Variants in CTNNB1 observed in about 807,000 individuals in gnomAD.
The protein encoded by CTNNB1 is catenin beta-1.
Under a neutral mutation model 82.5 loss-of-function variants are expected in CTNNB1, and 6 were observed. The ratio of observed to expected loss-of-function variants is 0.07; its 90% CI spans 0.04 to 0.14. CTNNB1 has a LOEUF of 0.14. Among genes scored for constraint, CTNNB1 ranks in the 10% least tolerant of loss-of-function variants. The pLI, the probability that CTNNB1 is intolerant of heterozygous loss-of-function variation, is 1.00. For missense variants in CTNNB1, 529 were observed against 980.4 expected, an observed-to-expected ratio of 0.54 and a Z score of 6.15; for synonymous variants, 312 against 329.7, an observed-to-expected ratio of 0.95 and a Z score of 0.58.
intron 1 of CTNNB1, among the ~76,000 whole-genome samples, chr3:41,210,519 C>A (rs928802738): frequency 6.6e-6 from 1 of 152,126 alleles, no homozygotes; most frequent in Non-Finnish European, 1.5e-5. Context: ...GGGTCAGGAT[C>A]ATCAGTATCA....
At chr3:41,212,684 G>A (rs1358024245) in intron 1 of CTNNB1, among the ~76,000 whole-genome samples, 1 of 152,208 alleles carries the variant, frequency 6.6e-6, no homozygotes, top group Non-Finnish European at 1.5e-5. Flanking sequence ...AAATGTGGCT[G>A]TGTGACTAGT....
At position 41,239,363 on chromosome 3, in the gene CTNNB1, T is replaced by A. The variant is rs2078519260; in HGVS notation, c.*21T>A. On this transcript the variant is annotated 3_prime_UTR_variant, in exon 15 of 15. Transcript: ENST00000349496. ...TGTAAATCATCCTTTAGGTAAGAAG[T>A]TTTAAAAAGCCAGTTTGGGTAAAAT... The A allele has an allele frequency of 6.2e-7, 1 of 1,607,388 alleles. No individual in the cohort carries two copies. Among genetic ancestry groups the A allele is most frequent in the Non-Finnish European group, 8.5e-7 (1 of 1,175,462 alleles).
Position 41,233,323 on chromosome 3 carries a change from T to C in CTNNB1, c.1082-18T>C, listed in dbSNP as rs1395122247. 6.2e-7 allele frequency: 1 copy of C among 1,610,372 alleles called. No homozygotes were observed. The highest frequency in any genetic ancestry group is 1.1e-5 in the South Asian group (1 of 90,996). On this transcript the variant is annotated intron_variant, in intron 7 of 14. Coordinates refer to ENST00000349496, the MANE Select transcript of CTNNB1 (RefSeq NM_001904.4). ...TCTAGCTAATGACTAGGGCCTTATA[T>C]CCTTTTTAATTTTCTAGGTGGAATG...
At chr3:41,219,596 A>G (rs1384873167) in intron 1 of CTNNB1, among the ~76,000 whole-genome samples, 1 of 152,196 alleles carries the variant, frequency 6.6e-6, no homozygotes, top group Non-Finnish European at 1.5e-5. Flanking sequence ...GGGTGATGGT[A>G]TGTATGTTAG....
Position 41,234,129 on chromosome 3 carries a change from T to C in CTNNB1, c.1525-10T>C, listed in dbSNP as rs1004532561. ...TGAGTTGTATGCCAGTTCTTCCTTCTGTTTTTCAGGCTACTGTTGGATTGA... is the reference window on the plus strand; with the variant it reads ...TGAGTTGTATGCCAGTTCTTCCTTCCGTTTTTCAGGCTACTGTTGGATTGA... On this transcript the variant is annotated splice_polypyrimidine_tract_variant and intron_variant, in intron 9 of 14. Coordinates refer to ENST00000349496, the MANE Select transcript of CTNNB1 (RefSeq NM_001904.4). 2 of 1,614,214 alleles carry C rather than the reference T, an allele frequency of 1.2e-6. No individual in the cohort carries two copies. The highest frequency in any genetic ancestry group is 3.3e-4 in the Middle Eastern group (2 of 6,062).
At position 41,235,556 on chromosome 3, in the gene CTNNB1, G is replaced by A. The variant is rs1338657533; in HGVS notation, c.1684-168G>A. 6.2e-6 allele frequency: 5 copies of A among 804,396 alleles called. No homozygotes were observed. In the Admixed American group the frequency reaches 1.0e-4, roughly 16 times the overall value. The allele number at this position is 804,396 out of a possible 1,614,324, so 49.8% of individuals were successfully genotyped here. A position where few individuals can be genotyped will look rare whatever the true frequency, so the allele number is the denominator to read the frequency against. ...TGCTTTGAATTAGTGCTGCCAGGAG[G>A]CCTCTTTTCAGTGACATTCAAGTTA... On this transcript the variant is annotated intron_variant, in intron 10 of 14. Coordinates refer to ENST00000349496, the MANE Select transcript of CTNNB1 (RefSeq NM_001904.4).
At chr3:41,207,860 T>A (rs1185615615) in intron 1 of CTNNB1, among the ~76,000 whole-genome samples, 1 of 152,222 alleles carries the variant, frequency 6.6e-6, no homozygotes, top group African/African-American at 2.4e-5. Flanking sequence ...GTGGTGAATT[T>A]TTCCCTTCTT....
chr3:41,207,909 A>G (rs921923799), intron 1 of CTNNB1, among the ~76,000 whole-genome samples: 6 of 152,212 alleles, frequency 3.9e-5, no homozygotes, highest in Non-Finnish European at 8.8e-5. Context: ...TGTGTGGACT[A>G]AATGTCTGCT....
chr3:41,237,961 T>C (rs946824606), intron 13 of CTNNB1, 55 bp from the exon 14 acceptor site: 43 of 1,498,718 alleles, frequency 2.9e-5, no homozygotes, highest in Non-Finnish European at 3.9e-5. Context: ...TAGTGTACTT[T>C]TGAGAATTTT....
chr3:41,215,287 G>A (rs2077888964), intron 1 of CTNNB1, among the ~76,000 whole-genome samples: 1 of 148,336 alleles, frequency 6.7e-6, no homozygotes, highest in Non-Finnish European at 1.5e-5. Flanking sequence ...GGGAGGCTGA[G>A]GCAGAGAATT....
intron 1 of CTNNB1, among the ~76,000 whole-genome samples, chr3:41,205,843 T>C (rs776332665): frequency 6.6e-6 from 1 of 152,236 alleles, no homozygotes; most frequent in African/African-American, 2.4e-5. Flanking sequence ...AGCAGATCAG[T>C]GAACCATTCA....
intron 6 of CTNNB1, 66 bp from the exon 7 acceptor site, chr3:41,227,142 A>G (rs2125627160): frequency 7.5e-7 from 1 of 1,340,124 alleles, no homozygotes; most frequent in South Asian, 1.2e-5. Context: ...GGTTGGTAAT[A>G]TGGCTCTTCT....
chr3:41,215,241 G>T (rs1009553479), intron 1 of CTNNB1, among the ~76,000 whole-genome samples: 2 of 137,776 alleles, frequency 1.5e-5, no homozygotes, highest in Non-Finnish European at 3.1e-5. Flanking sequence ...AAAAAAAATA[G>T]CTGGGGTTGG....
At chr3:41,208,589 T>C (rs2077703258) in intron 1 of CTNNB1, among the ~76,000 whole-genome samples, 1 of 152,212 alleles carries the variant, frequency 6.6e-6, no homozygotes, top group Non-Finnish European at 1.5e-5. Flanking sequence ...CCCTCACTTC[T>C]ATACAGCTGA....
chr3:41,220,633 T>A (rs1209034437), intron 1 of CTNNB1: 1 of 152,206 alleles, frequency 6.6e-6, no homozygotes, highest in African/African-American at 2.4e-5. Flanking sequence ...AAGAACTTTT[T>A]AAAAATCCCT....
chr3:41,204,366 G>A (rs2077600006), intron 1 of CTNNB1, among the ~76,000 whole-genome samples: 1 of 152,166 alleles, frequency 6.6e-6, no homozygotes, highest in Non-Finnish European at 1.5e-5. Flanking sequence ...TTTGTCTCTT[G>A]AAATGGGCTA....
Position 41,224,516 on chromosome 3 carries a change from G to T in CTNNB1, c.14-10G>T, listed in dbSNP as rs146324531. ...AATCTACTAATGCTAATACTGTTTC[G>T]TATTTATAGCTGATTTGATGGAGTT... On this transcript the variant is annotated splice_polypyrimidine_tract_variant and intron_variant, in intron 2 of 14. Transcript: ENST00000349496. 6.2e-7 allele frequency: 1 copy of T among 1,610,782 alleles called. No individual in the cohort carries two copies. The highest frequency in any genetic ancestry group is 8.5e-7 in the Non-Finnish European group (1 of 1,177,640).
intron 1 of CTNNB1, among the ~76,000 whole-genome samples, chr3:41,206,075 A>AT (rs2077641305): frequency 6.6e-6 from 1 of 151,828 alleles, no homozygotes; most frequent in South Asian, 2.1e-4. Flanking sequence ...TAACACTTCC[A>AT]TTTTCTCCCC....
At chr3:41,226,714 G>A (rs1028523361) in intron 6 of CTNNB1, among the ~76,000 whole-genome samples, 3 of 152,164 alleles carry the variant, frequency 2.0e-5, no homozygotes, top group African/African-American at 2.4e-5. Context: ...AATTGGGGCA[G>A]TGTTGAAAGG....
Sources: gnomAD v4.1 joint callset for allele counts (sites outside exome capture counted in the v4.1 genomes callset) on GRCh38, gnomAD v4.1.1 for gene constraint, MANE v1.5 for transcripts, NCBI Gene and HGNC (gene_info 2026-07-23, HGNC 2026-07-21) for gene names.